The following GABRG3 variants were observed in gnomAD, a reference collection of about 807,000 sequenced individuals.
GABRG3 encodes the protein gamma-aminobutyric acid type A receptor subunit gamma3.
In GABRG3, 25 loss-of-function variants were observed where a neutral mutation model predicts 48.8. That is an observed-to-expected ratio of 0.51 (90% CI 0.37 to 0.72). The LOEUF (loss-of-function observed/expected upper bound fraction) is 0.72. GABRG3 is among the 30% of genes least tolerant of loss of function. GABRG3 has a pLI of 0.00. For synonymous variants in GABRG3, 227 were observed against 217.6 expected (o/e 1.04, Z -0.38); for missense variants, 394 against 577.9 (o/e 0.68, Z 3.26).
chr15:27,449,618 A>G (rs149392533), intron 5 of GABRG3, among the ~76,000 whole-genome samples: 1 of 152,350 alleles, frequency 6.6e-6, no homozygotes, highest in Non-Finnish European at 1.5e-5. Flanking sequence ...GTGAAAAACA[A>G]AAAGAAATAT....
chr15:27,305,206 T>A (rs2140495961), intron 3 of GABRG3, among the ~76,000 whole-genome samples: 1 of 151,844 alleles, frequency 6.6e-6, no homozygotes, highest in East Asian at 1.9e-4. Flanking sequence ...GGTACTCTAA[T>A]CAAGTATATT....
At chr15:27,290,092 CA>C (rs1347133970) in intron 3 of GABRG3, among the ~76,000 whole-genome samples, 1 of 152,026 alleles carries the variant, frequency 6.6e-6, no homozygotes, top group Non-Finnish European at 1.5e-5. Flanking sequence ...TAAAACAAAA[CA>C]AAACAGAAAA....
At chr15:27,390,210 C>T (rs72705711) in intron 5 of GABRG3, among the ~76,000 whole-genome samples, 8 of 152,118 alleles carry the variant, frequency 5.3e-5, no homozygotes, top group South Asian at 4.1e-4. Context: ...TTGCTTCTTT[C>T]GTATATTACG....
intron 5 of GABRG3, among the ~76,000 whole-genome samples, chr15:27,403,490 A>G (rs1045027617): frequency 3.0e-4 from 46 of 152,220 alleles, no homozygotes; most frequent in African/African-American, 1.1e-3. Context: ...ACCAGACCCA[A>G]CAGAAAATTA....
chr15:27,530,308 G>A (rs1891391960), intron 9 of GABRG3, among the ~76,000 whole-genome samples: 1 of 152,176 alleles, frequency 6.6e-6, no homozygotes, highest in Non-Finnish European at 1.5e-5. Context: ...ACACACAAAA[G>A]AGGAGGGAGT....
intron 3 of GABRG3, among the ~76,000 whole-genome samples, chr15:27,142,739 G>A (rs887515506): frequency 2.0e-5 from 3 of 151,562 alleles, no homozygotes; most frequent in Admixed American, 6.6e-5. Context: ...ATCCCTTCAT[G>A]TTGACAGGGG....
chr15:27,281,002 T>C (rs1332982781), intron 3 of GABRG3, among the ~76,000 whole-genome samples: 2 of 152,164 alleles, frequency 1.3e-5, no homozygotes, highest in Non-Finnish European at 1.5e-5. Context: ...TTTGAATCTG[T>C]GCTGTTTATG....
intron 2 of GABRG3, among the ~76,000 whole-genome samples, chr15:27,012,342 T>G (rs1595471685): frequency 1.3e-5 from 2 of 152,334 alleles, no homozygotes; most frequent in East Asian, 3.9e-4. Flanking sequence ...GAATTGTTTC[T>G]TTATTAACTT....
At chr15:27,404,044 A>T (rs1320839724) in intron 5 of GABRG3, among the ~76,000 whole-genome samples, 1 of 151,832 alleles carries the variant, frequency 6.6e-6, no homozygotes, top group Non-Finnish European at 1.5e-5. Context: ...ACATGGTGAA[A>T]CCCCGTCTCT....
intron 7 of GABRG3, among the ~76,000 whole-genome samples, chr15:27,521,846 A>C (rs1891167750): frequency 6.6e-6 from 1 of 152,056 alleles, no homozygotes; most frequent in Non-Finnish European, 1.5e-5. Context: ...AAAAGAAAGA[A>C]GTCCCAGTGA....
rs557434397 is a variant in GABRG3 at position 26,981,994 on chromosome 15, C to T, written c.202+4844C>T. 3.9e-5 allele frequency among the ~76,000 whole-genome samples: 6 copies of T among 152,214 alleles called. No individual in the cohort carries two copies. The East Asian group carries it at 1.2e-3, about 29-fold the overall frequency. ...ATATCACCCTTCATGCCTCAGTTGC[C>T]TCTCCTATGCAATGAAAGAGAGGGA... On this transcript the variant is annotated intron_variant, in intron 2 of 9. Transcript: ENST00000615808.
At chr15:27,280,142 A>T in intron 3 of GABRG3, among the ~76,000 whole-genome samples, 2 of 150,058 alleles carry the variant, frequency 1.3e-5, no homozygotes, top group African/African-American at 2.5e-5. Context: ...TTCTAATTTC[A>T]TTGATTTCTG....
At position 27,334,469 on chromosome 15, in the gene GABRG3, A is replaced by G. The variant is rs150723646; in HGVS notation, c.574+5581A>G. Among the ~76,000 whole-genome samples the G allele has an allele frequency of 3.2e-4, 48 of 152,316 alleles. No homozygotes were observed. The East Asian group carries it at 8.7e-3, about 28-fold the overall frequency. ...ATTAAAATCCCAAAGTTGAGATGCC[A>G]TTCCTTTAATTAAACTTTCAACAGT... is the stretch of plus-strand genomic sequence containing the variant. On this transcript the variant is annotated intron_variant, in intron 5 of 9. Coordinates refer to ENST00000615808, the MANE Select transcript of GABRG3 (RefSeq NM_033223.5).
intron 5 of GABRG3, among the ~76,000 whole-genome samples, chr15:27,377,869 C>G (rs1895648423): frequency 6.6e-6 from 1 of 152,164 alleles, no homozygotes; most frequent in Admixed American, 6.5e-5. Context: ...TCTTATTCAG[C>G]CAAATTTTAG....
At chr15:27,152,741 A>C (rs532074214) in intron 3 of GABRG3, among the ~76,000 whole-genome samples, 1 of 152,110 alleles carries the variant, frequency 6.6e-6, no homozygotes, top group Non-Finnish European at 1.5e-5. Context: ...TGTTCTTTGC[A>C]TATTTCAGAT....
chr15:27,431,991 G>A (rs1888468528), intron 5 of GABRG3, among the ~76,000 whole-genome samples: 1 of 151,882 alleles, frequency 6.6e-6, no homozygotes, highest in African/African-American at 2.4e-5. Flanking sequence ...TCATTCCATT[G>A]TGGTTGGAGA....
chr15:27,270,408 T>C (rs1369957214), intron 3 of GABRG3, among the ~76,000 whole-genome samples: 2 of 152,198 alleles, frequency 1.3e-5, no homozygotes, highest in Non-Finnish European at 2.9e-5. Context: ...GTGGCCCTGT[T>C]TGTTCGACTC....
intron 3 of GABRG3, among the ~76,000 whole-genome samples, chr15:27,151,807 G>A (rs1404319379): frequency 2.6e-5 from 4 of 152,138 alleles, no homozygotes; most frequent in Non-Finnish European, 5.9e-5. Flanking sequence ...TTCCCCTAGC[G>A]CCTCCAGAAG....
At chr15:26,983,993 GT>G (rs1004933797) in intron 2 of GABRG3, among the ~76,000 whole-genome samples, 12 of 152,058 alleles carry the variant, frequency 7.9e-5, no homozygotes, top group Non-Finnish European at 1.8e-4. Context: ...CACCATGCCT[GT>G]CTTCGAGCCT....
Sources: allele counts gnomAD v4.1 joint callset (sites outside exome capture counted in the v4.1 genomes callset), GRCh38; gene constraint gnomAD v4.1.1; transcripts MANE v1.5; gene names NCBI Gene and HGNC (gene_info 2026-07-23, HGNC 2026-07-21).